RPH3A: variants seen among roughly 807,000 people sequenced by gnomAD.
RPH3A encodes the protein rabphilin 3A, also known as rabphilin-3A.
Under a neutral mutation model 102.2 loss-of-function variants are expected in RPH3A, and 48 were observed. The ratio of observed to expected loss-of-function variants is 0.47; its 90% CI spans 0.37 to 0.60. The LOEUF is 0.60. Ranked by LOEUF, RPH3A falls within the 20% of genes least tolerant of loss-of-function variation. RPH3A has a pLI of 0.00. For synonymous variants in RPH3A, 310 were observed against 324.3 expected (o/e 0.96, Z 0.47); for missense variants, 781 against 910.1 (o/e 0.86, Z 1.83).
At chr12:112,818,379 TGATA>T (rs1447825331) in intron 2 of RPH3A, among the ~76,000 whole-genome samples, 1 of 150,314 alleles carries the variant, frequency 6.7e-6, no homozygotes, top group African/African-American at 2.5e-5. Flanking sequence ...CAAAAGGCTA[TGATA>T]GATTGATAGA....
intron 1 of RPH3A, among the ~76,000 whole-genome samples, chr12:112,605,372 CTCAA>C (rs913920800): frequency 6.6e-6 from 1 of 152,078 alleles, no homozygotes; most frequent in African/African-American, 2.4e-5. Context: ...AAGACTCCAT[CTCAA>C]ACAAACAAAC....
At chr12:112,612,502 G>A (rs1477326889) in intron 1 of RPH3A, among the ~76,000 whole-genome samples, 1 of 150,724 alleles carries the variant, frequency 6.6e-6, no homozygotes, top group Non-Finnish European at 1.5e-5. Context: ...CCTGAGGAGT[G>A]TCTGGGCCCT....
At chr12:112,729,884 C>T (rs535877112) in intron 1 of RPH3A, among the ~76,000 whole-genome samples, 1 of 152,294 alleles carries the variant, frequency 6.6e-6, no homozygotes, top group East Asian at 1.9e-4. Flanking sequence ...AGAGTGTGAC[C>T]TTATTTGGAA....
chr12:112,667,285 A>G (rs560873060), intron 1 of RPH3A, among the ~76,000 whole-genome samples: 1 of 152,300 alleles, frequency 6.6e-6, no homozygotes, highest in East Asian at 1.9e-4. Context: ...AATGGTATAT[A>G]TACCTAGGAA....
intron 1 of RPH3A, among the ~76,000 whole-genome samples, chr12:112,656,342 G>C (rs1185066020): frequency 6.6e-6 from 1 of 152,186 alleles, no homozygotes; most frequent in South Asian, 2.1e-4. Flanking sequence ...TCTTCTTGCA[G>C]ATGCCATTTA....
At chr12:112,808,275 G>C (rs993039315) in intron 2 of RPH3A, among the ~76,000 whole-genome samples, 1 of 152,196 alleles carries the variant, frequency 6.6e-6, no homozygotes, top group South Asian at 2.1e-4. Context: ...TATGAAACCA[G>C]CTCTGCAGCC....
chr12:112,767,463 C>T (rs760495957), intron 1 of RPH3A, among the ~76,000 whole-genome samples: 4 of 152,292 alleles, frequency 2.6e-5, no homozygotes, highest in African/African-American at 7.2e-5. Context: ...GCGTGGCATT[C>T]GGGTCTCAGA....
chr12:112,699,726 G>A (rs4766992), intron 1 of RPH3A, among the ~76,000 whole-genome samples: 65,230 of 152,040 alleles, frequency 0.43, 14,827 homozygotes, highest in South Asian at 0.57. Flanking sequence ...CAAACTGCAC[G>A]CTTAAAATCT....
At chr12:112,713,033 T>TCTTCTTCTTCTTCTTCTC (rs1461280141) in intron 1 of RPH3A, among the ~76,000 whole-genome samples, 1 of 81,596 alleles carries the variant, frequency 1.2e-5, no homozygotes, top group African/African-American at 5.9e-5. Context: ...CTCTTCTTCT[T>TCTTCTTCTTCTTCTTCTC]CTTCTTCTTC....
At chr12:112,660,592 G>A (rs2040042425) in intron 1 of RPH3A, among the ~76,000 whole-genome samples, 1 of 152,170 alleles carries the variant, frequency 6.6e-6, no homozygotes, top group South Asian at 2.1e-4. Context: ...GGCTGAGGCA[G>A]GAGTGTCACT....
intron 2 of RPH3A, among the ~76,000 whole-genome samples, chr12:112,803,897 T>G (rs1352678946): frequency 6.6e-6 from 1 of 152,178 alleles, no homozygotes; most frequent in Non-Finnish European, 1.5e-5. Flanking sequence ...CTGGCCTCAG[T>G]TTACTCACCT....
chr12:112,849,084 A>C (rs2042279329), intron 5 of RPH3A, among the ~76,000 whole-genome samples: 1 of 152,198 alleles, frequency 6.6e-6, no homozygotes, highest in Non-Finnish European at 1.5e-5. Context: ...TGAGATGCCC[A>C]CTGATTCCCT....
intron 1 of RPH3A, among the ~76,000 whole-genome samples, chr12:112,726,142 T>A (rs2040589245): frequency 6.7e-6 from 1 of 148,892 alleles, no homozygotes. Flanking sequence ...GGGGATGGAG[T>A]CTTACTCTGT....
At chr12:112,782,197 C>T (rs565446246) in intron 1 of RPH3A, among the ~76,000 whole-genome samples, 2 of 152,368 alleles carry the variant, frequency 1.3e-5, no homozygotes, top group African/African-American at 4.8e-5. Context: ...TGACATCAGA[C>T]AAATGTGAGC....
intron 16 of RPH3A, among the ~76,000 whole-genome samples, chr12:112,885,061 A>G (rs368524663): frequency 1.0e-3 from 152 of 152,142 alleles, no homozygotes; most frequent in African/African-American, 3.6e-3. Flanking sequence ...TCTTGTTGCT[A>G]TTTAGTATTT....
chr12:112,681,377 C>T (rs888974627), intron 1 of RPH3A, among the ~76,000 whole-genome samples: 4 of 152,328 alleles, frequency 2.6e-5, no homozygotes, highest in South Asian at 4.1e-4. Context: ...ACACACACAT[C>T]GGATTGCTTT....
intron 1 of RPH3A, among the ~76,000 whole-genome samples, chr12:112,714,936 C>G (rs559992790): frequency 6.6e-6 from 1 of 152,270 alleles, no homozygotes; most frequent in South Asian, 2.1e-4. Context: ...AAATTACTTC[C>G]CTTTTCTTCT....
chr12:112,694,190 G>A (rs533471303), intron 1 of RPH3A, among the ~76,000 whole-genome samples: 3 of 152,220 alleles, frequency 2.0e-5, no homozygotes, highest in Admixed American at 6.5e-5. Flanking sequence ...TCGCAACACC[G>A]CCCCAACTCT....
chr12:112,891,602 T>G (rs950398608), intron 19 of RPH3A, among the ~76,000 whole-genome samples: 2 of 152,122 alleles, frequency 1.3e-5, no homozygotes, highest in African/African-American at 2.4e-5. Context: ...TAGACTACAA[T>G]GCAAGTCTGA....
Sources: allele counts gnomAD v4.1 joint callset (sites outside exome capture counted in the v4.1 genomes callset), GRCh38; gene constraint gnomAD v4.1.1; transcripts MANE v1.5; gene names NCBI Gene and HGNC (gene_info 2026-07-23, HGNC 2026-07-21).